DMD: variants seen among roughly 807,000 people sequenced by gnomAD.
DMD encodes the protein mutant dystrophin.
A neutral mutation model predicts 330.1 loss-of-function variants in DMD; 63 were observed. That is an observed-to-expected ratio of 0.19 (90% CI 0.16 to 0.24). DMD has a LOEUF of 0.24. Ranked by LOEUF, DMD falls within the 10% of genes least tolerant of loss-of-function variation. The pLI is 1.00. For missense variants in DMD, 3,344 were observed against 2,684.1 expected (o/e 1.25, Z -5.43); for synonymous variants, 1,223 against 959.8 (o/e 1.27, Z -5.07).
At position 32,121,737 on chromosome X, in the gene DMD, ATG is replaced by A. The variant is rs770805204; in HGVS notation, c.6438+95177_6438+95178del. ...AGGGCATTGGAAGGAGTCAAAAAAA[ATG>A]TGTGTGTGTGTGTGTGTATACACAC... On this transcript the variant is annotated intron_variant, in intron 44 of 78. Coordinates refer to ENST00000357033, the MANE Select transcript of DMD (RefSeq NM_004006.3). 8.1e-3 allele frequency among the ~76,000 whole-genome samples: 781 copies of A among 96,353 alleles called. 13 individuals carry two copies. The highest frequency in any genetic ancestry group is 0.028 in the African/African-American group (733 of 26,488). 83.7% of individuals were successfully genotyped at this position (96,353 alleles called of 115,157 possible). A position where few individuals can be genotyped will look rare whatever the true frequency, so the allele number is the denominator to read the frequency against.
chrX:31,559,640 C>CAAAAAAAA (rs1167550498), intron 55 of DMD, among the ~76,000 whole-genome samples: 27 of 21,638 alleles, frequency 1.2e-3, no homozygotes, highest in Admixed American at 3.7e-3. Flanking sequence ...AACTCCGTCT[C>CAAAAAAAA]AAAAAAAAAA....
chrX:31,856,642 T>G (rs1444992506), intron 48 of DMD, among the ~76,000 whole-genome samples: 2 of 112,336 alleles, frequency 1.8e-5, no homozygotes, highest in Non-Finnish European at 3.8e-5. Context: ...CAAATTGGAC[T>G]TTAGTTACAA....
In DMD at chrX:31,924,217, A is replaced by C. The variant is rs191925590; in HGVS notation, c.6912+5379T>G. ...AGGACTGAATGGTAACTATTAGAAC[A>C]ATCTATTAATCGTCATCTTGTGATA... On this transcript the variant is annotated intron_variant, in intron 47 of 78. Coordinates refer to ENST00000357033, the MANE Select transcript of DMD (RefSeq NM_004006.3). Among the ~76,000 whole-genome samples, 3 of 112,137 alleles carry C rather than the reference A, an allele frequency of 2.7e-5. No homozygotes were observed. In the East Asian group the frequency reaches 8.4e-4, roughly 31 times the overall value.
At chrX:31,425,505 C>G (rs1169248700) in intron 60 of DMD, among the ~76,000 whole-genome samples, 2 of 111,512 alleles carry the variant, frequency 1.8e-5, no homozygotes, top group African/African-American at 6.6e-5. Context: ...TATTGGGCAA[C>G]AAAGGACACA....
intron 7 of DMD, among the ~76,000 whole-genome samples, chrX:32,757,500 C>A (rs73209889): frequency 0.026 from 2,881 of 111,340 alleles, 103 homozygotes; most frequent in African/African-American, 0.089. Flanking sequence ...GTAATTCCCA[C>A]CATGTCATGG....
chrX:33,033,704 C>A (rs1163276147), intron 1 of DMD, among the ~76,000 whole-genome samples: 1 of 108,740 alleles, frequency 9.2e-6, no homozygotes, highest in African/African-American at 3.4e-5. Context: ...GGCGACAGAG[C>A]GAGACTCCGT....
intron 67 of DMD, among the ~76,000 whole-genome samples, chrX:31,203,505 T>C (rs1282785410): frequency 2.1e-5 from 2 of 96,253 alleles, no homozygotes; most frequent in Non-Finnish European, 2.1e-5. Flanking sequence ...TTTGGAATAA[T>C]AGGGGAATGT....
In DMD at chrX:33,331,474, T is replaced by TG. The variant is rs2054175957; in HGVS notation, c.7+7784dup. On this transcript the variant is annotated intron_variant, in intron 1 of 17. Transcript: ENST00000288447. ...AATCTGTACTAGTAAAAACAGACTATGATGGTCCTTATCACATTTTATCCT... is the reference window on the plus strand; with the variant it reads ...AATCTGTACTAGTAAAAACAGACTATGGATGGTCCTTATCACATTTTATCCT... 2.7e-5 allele frequency among the ~76,000 whole-genome samples: 3 copies of TG among 112,110 alleles called. No individual in the cohort carries two copies. In the South Asian group the frequency reaches 1.1e-3, roughly 41 times the overall value.
chrX:31,523,356 G>T (rs1043963208), intron 55 of DMD, among the ~76,000 whole-genome samples: 19 of 110,729 alleles, frequency 1.7e-4, no homozygotes, highest in Non-Finnish European at 1.9e-4. Context: ...CCACCCCCGG[G>T]ACATACAATG....
At chrX:32,577,468 C>T (rs990301624) in intron 13 of DMD, among the ~76,000 whole-genome samples, 7 of 112,001 alleles carry the variant, frequency 6.2e-5, no homozygotes, top group Non-Finnish European at 7.5e-5. Flanking sequence ...AATACCAACC[C>T]GTTAAAGAAT....
chrX:33,201,013 C>T (rs764293656), intron 1 of DMD, among the ~76,000 whole-genome samples: 1 of 98,361 alleles, frequency 1.0e-5, no homozygotes, highest in East Asian at 3.3e-4. Context: ...CTCACTGCAA[C>T]TTCCACCTCC....
At chrX:32,027,887 C>T (rs2095858164) in intron 44 of DMD, among the ~76,000 whole-genome samples, 1 of 112,357 alleles carries the variant, frequency 8.9e-6, no homozygotes, top group Non-Finnish European at 1.9e-5. Context: ...ACCTGCTATG[C>T]GTTAAGCCCT....
intron 7 of DMD, among the ~76,000 whole-genome samples, chrX:32,702,627 A>G (rs2064235917): frequency 9.0e-6 from 1 of 111,602 alleles, no homozygotes. Context: ...ATTAAAGTAA[A>G]TTCTTTAAGT....
At position 32,738,691 on chromosome X, in the gene DMD, ACCCGTCT is replaced by A. The variant is rs1351140746; in HGVS notation, c.650-39405_650-39399del. Among the ~76,000 whole-genome samples, 6,995 of 108,111 alleles carry A rather than the reference ACCCGTCT, an allele frequency of 0.065. 3 individuals are homozygous for A. The highest frequency in any genetic ancestry group is 0.24 in the African/African-American group (6,566 of 27,530). The allele number at this position is 108,111 out of a possible 115,157, so 93.9% of individuals were successfully genotyped here. ...AACTTCTTCTACATGTTCACTTGTC[ACCCGTCT>A]GCAGAACAGAATTGGAGAACATCCA... On this transcript the variant is annotated intron_variant, in intron 7 of 78. Coordinates refer to ENST00000357033, the MANE Select transcript of DMD (RefSeq NM_004006.3).
rs201205569 is a variant in DMD, at chrX:31,855,722, A to AT, written c.7099-18904dup. On this transcript the variant is annotated intron_variant, in intron 48 of 78. Transcript: ENST00000357033. ...AAATGGGTAATTGAATTAAACTCGT[A>AT]TTTTTTTAAAAAAAAACAGCAACAA... Among the ~76,000 whole-genome samples, 140 of 102,690 alleles carry AT rather than the reference A, an allele frequency of 1.4e-3. No individual in the cohort carries two copies. The East Asian group carries it at 0.019, about 14-fold the overall frequency. 89.2% of individuals were successfully genotyped at this position (102,690 alleles called of 115,157 possible). A position where few individuals can be genotyped will look rare whatever the true frequency, so the allele number is the denominator to read the frequency against.
At chrX:32,854,969 A>T (rs1395647169) in intron 2 of DMD, among the ~76,000 whole-genome samples, 6 of 112,146 alleles carry the variant, frequency 5.4e-5, no homozygotes, top group Non-Finnish European at 1.1e-4. Context: ...AACATTAAAA[A>T]GGTCATTCGT....
rs55674554 is a variant in DMD at position 31,187,717 on chromosome X, CAGAGAGAGAGAGAGAGAG to C, written c.9808-4831_9808-4814del. Among the ~76,000 whole-genome samples the C allele has an allele frequency of 6.0e-3, 402 of 66,802 alleles. 1 individual carries two copies. Among genetic ancestry groups the C allele is most frequent in the African/African-American group, 0.012 (195 of 16,647 alleles). 58.0% of individuals were successfully genotyped at this position (66,802 alleles called of 115,157 possible). On this transcript the variant is annotated intron_variant, in intron 67 of 78. Transcript: ENST00000357033. ...CAGCTCTGGAATCTTCCCAGATTCTCAGAGAGAGAGAGAGAGAGAGAGAGAGAGAGAGAGAGAGAGAGA... is the reference window on the plus strand; with the variant it reads ...CAGCTCTGGAATCTTCCCAGATTCTCAGAGAGAGAGAGAGAGAGAGAGAGA...
chrX:31,229,685 G>A (rs947082964), intron 63 of DMD, among the ~76,000 whole-genome samples: 1 of 111,756 alleles, frequency 8.9e-6, no homozygotes, highest in Non-Finnish European at 1.9e-5. Context: ...CATACAATAC[G>A]CATTGAACTA....
intron 43 of DMD, among the ~76,000 whole-genome samples, chrX:32,251,235 T>G (rs940145382): frequency 9.0e-6 from 1 of 111,229 alleles, no homozygotes; most frequent in Non-Finnish European, 1.9e-5. Context: ...CTGATCAATC[T>G]TCTACCTACA....
Sources: allele counts gnomAD v4.1 joint callset (sites outside exome capture counted in the v4.1 genomes callset), GRCh38; gene constraint gnomAD v4.1.1; transcripts MANE v1.5; gene names NCBI Gene and HGNC (gene_info 2026-07-23, HGNC 2026-07-21).